The following NELL1 variants were observed in gnomAD, a reference collection of about 807,000 sequenced individuals.
The protein encoded by NELL1 is neural EGFL like 1.
NELL1 carries 76 observed loss-of-function variants against 107.4 expected under a neutral mutation model. The observed-to-expected ratio is 0.71, with a 90% CI of 0.59 to 0.86. The LOEUF is 0.86. NELL1 is among the 40% of genes least tolerant of loss of function. The pLI is 0.00. For missense variants in NELL1, 1,024 were observed against 1,005.5 expected (o/e 1.02, Z -0.25); for synonymous variants, 353 against 341.2 (o/e 1.03, Z -0.38).
chr11:21,098,719 A>AT (rs1411134206), intron 12 of NELL1, among the ~76,000 whole-genome samples: 3 of 151,904 alleles, frequency 2.0e-5, no homozygotes, highest in Non-Finnish European at 4.4e-5. Flanking sequence ...ACTCTGGCCC[A>AT]TTTTTTTACT....
intron 14 of NELL1, among the ~76,000 whole-genome samples, chr11:21,358,114 C>T (rs1850980716): frequency 6.6e-6 from 1 of 152,152 alleles, no homozygotes; most frequent in South Asian, 2.1e-4. Context: ...CTTAGTATTG[C>T]TTTGACTATG....
intron 13 of NELL1, among the ~76,000 whole-genome samples, chr11:21,182,258 A>AC (rs1856843593): frequency 2.6e-5 from 4 of 151,616 alleles, no homozygotes; most frequent in Admixed American, 2.6e-4. Flanking sequence ...ACATAGCGAA[A>AC]CCCCGTCTCT....
intron 15 of NELL1, among the ~76,000 whole-genome samples, chr11:21,469,411 A>T (rs1208080892): frequency 1.3e-5 from 2 of 152,052 alleles, no homozygotes; most frequent in Non-Finnish European, 2.9e-5. Context: ...AAAGTTCTAT[A>T]GCCTCAGTGG....
chr11:21,492,499 A>G (rs1371764397), intron 15 of NELL1, among the ~76,000 whole-genome samples: 1 of 151,584 alleles, frequency 6.6e-6, no homozygotes, highest in Non-Finnish European at 1.5e-5. Flanking sequence ...ACCAACCCAA[A>G]TGTCCAACAA....
At chr11:21,209,262 G>A (rs1857449461) in intron 13 of NELL1, among the ~76,000 whole-genome samples, 3 of 150,852 alleles carry the variant, frequency 2.0e-5, no homozygotes, top group Admixed American at 2.0e-4. Flanking sequence ...CTTGTTCCTA[G>A]ATATGTGTTA....
At chr11:21,390,367 GATA>G (rs35024726) in intron 15 of NELL1, among the ~76,000 whole-genome samples, 44,673 of 147,546 alleles carry the variant, frequency 0.3, 7,245 homozygotes, top group Non-Finnish European at 0.35. Flanking sequence ...TAATAACAAT[GATA>G]ATAATAATAA....
intron 3 of NELL1, among the ~76,000 whole-genome samples, chr11:20,803,417 T>C (rs1430876768): frequency 1.3e-5 from 2 of 152,208 alleles, no homozygotes; most frequent in South Asian, 4.1e-4. Flanking sequence ...ATTTCGTCTC[T>C]GATTTTATTT....
intron 13 of NELL1, among the ~76,000 whole-genome samples, chr11:21,208,046 G>A (rs895411269): frequency 4.6e-5 from 7 of 151,988 alleles, no homozygotes; most frequent in Non-Finnish European, 1.0e-4. Flanking sequence ...TTTGTGGCAA[G>A]AAGAGCTAAA....
At chr11:21,326,988 T>C (rs1352678791) in intron 14 of NELL1, among the ~76,000 whole-genome samples, 1 of 152,090 alleles carries the variant, frequency 6.6e-6, no homozygotes, top group African/African-American at 2.4e-5. Context: ...TAGGACATGA[T>C]ATTATGGATA....
intron 2 of NELL1, among the ~76,000 whole-genome samples, chr11:20,778,585 G>A (rs1038845410): frequency 7.0e-6 from 1 of 142,906 alleles, no homozygotes; most frequent in Admixed American, 7.4e-5. Flanking sequence ...AGGTAGAGCC[G>A]TCTTATCCTG....
intron 2 of NELL1, among the ~76,000 whole-genome samples, chr11:20,777,483 A>G (rs1478690935): frequency 1.2e-4 from 19 of 152,358 alleles, no homozygotes; most frequent in Non-Finnish European, 2.6e-4. Flanking sequence ...GCTTGGATCA[A>G]TAACATCTGA....
At chr11:21,215,476 T>C (rs1857593626) in intron 13 of NELL1, among the ~76,000 whole-genome samples, 1 of 152,196 alleles carries the variant, frequency 6.6e-6, no homozygotes, top group East Asian at 1.9e-4. Context: ...TGGAACTGGG[T>C]AACAGGCAGA....
intron 5 of NELL1, among the ~76,000 whole-genome samples, chr11:20,889,374 G>T (rs1849571466): frequency 6.6e-6 from 1 of 152,190 alleles, no homozygotes; most frequent in South Asian, 2.1e-4. Context: ...TTCAAATGTA[G>T]TAGTATATAC....
rs78807828 is a variant in NELL1 at position 21,475,642 on chromosome 11, C to T, written c.1646-58732C>T. On this transcript the variant is annotated intron_variant, in intron 15 of 19. Transcript: ENST00000357134. ...GAATGGGTCATGTAGAGCAGATTTACAGTGGATCTGGAGCAAAGAATGAGA... is the reference window on the plus strand; with the variant it reads ...GAATGGGTCATGTAGAGCAGATTTATAGTGGATCTGGAGCAAAGAATGAGA... Among the ~76,000 whole-genome samples, 2,583 of 152,316 alleles carry T rather than the reference C, an allele frequency of 0.017. 200 individuals carry two copies. The East Asian group carries it at 0.22, about 13-fold the overall frequency.
At chr11:21,418,389 A>C (rs1020115144) in intron 15 of NELL1, among the ~76,000 whole-genome samples, 2 of 152,146 alleles carry the variant, frequency 1.3e-5, no homozygotes, top group Admixed American at 6.6e-5. Flanking sequence ...TTGCCTTAGT[A>C]GTAGTAACTA....
chr11:21,017,655 C>T (rs985103366), intron 12 of NELL1, among the ~76,000 whole-genome samples: 43 of 152,048 alleles, frequency 2.8e-4, no homozygotes, highest in African/African-American at 1.0e-3. Flanking sequence ...TATTTTGTGT[C>T]CGCTACTGGA....
intron 12 of NELL1, among the ~76,000 whole-genome samples, chr11:21,053,625 C>T (rs1055041062): frequency 1.3e-5 from 2 of 152,088 alleles, no homozygotes; most frequent in Non-Finnish European, 2.9e-5. Flanking sequence ...CTTCCTGAGT[C>T]CCATACAGTG....
chr11:21,320,175 T>C (rs1849978266), intron 14 of NELL1, among the ~76,000 whole-genome samples: 1 of 152,112 alleles, frequency 6.6e-6, no homozygotes, highest in South Asian at 2.1e-4. Context: ...ATAACAGTTA[T>C]ATGGTTGCTC....
intron 2 of NELL1, among the ~76,000 whole-genome samples, chr11:20,697,413 C>CTTTA: frequency 2.1e-5 from 1 of 47,112 alleles, no homozygotes; most frequent in African/African-American, 9.5e-5. Flanking sequence ...TTTTTTTTTC[C>CTTTA]TGCCAGGAAA....
Sources: gnomAD v4.1 joint callset for allele counts (sites outside exome capture counted in the v4.1 genomes callset) on GRCh38, gnomAD v4.1.1 for gene constraint, MANE v1.5 for transcripts, NCBI Gene and HGNC (gene_info 2026-07-23, HGNC 2026-07-21) for gene names.